The following SYNPO2 variants were observed in gnomAD, a reference collection of about 807,000 sequenced individuals.
SYNPO2 encodes synaptopodin-2.
Under a neutral mutation model 85.0 loss-of-function variants are expected in SYNPO2, and 56 were observed. The observed-to-expected ratio is 0.66, with a 90% CI of 0.53 to 0.82. The LOEUF (loss-of-function observed/expected upper bound fraction) is 0.82. SYNPO2 is among the 40% of genes least tolerant of loss of function. The pLI is 0.00. For synonymous variants in SYNPO2, 602 were observed against 591.1 expected, an observed-to-expected ratio of 1.02 and a Z score of -0.27; for missense variants, 1,575 against 1,534.2, an observed-to-expected ratio of 1.03 and a Z score of -0.44.
chr4:119,051,499 A>G (rs1460744979), intron 4 of SYNPO2, among the ~76,000 whole-genome samples: 1 of 152,076 alleles, frequency 6.6e-6, no homozygotes, highest in Non-Finnish European at 1.5e-5. Flanking sequence ...CCGGGAAGCA[A>G]TGTTTGATTC....
In SYNPO2 at chr4:119,060,251, T is replaced by A. The variant is rs1739369007; in HGVS notation, c.*2317T>A. 2 of 152,176 alleles carry A rather than the reference T, an allele frequency of 1.3e-5. No individual in the cohort carries two copies. Among genetic ancestry groups the A allele is most frequent in the South Asian group, 4.1e-4 (2 of 4,832 alleles). The allele number at this position is 152,176 out of a possible 1,614,324, so 9.4% of individuals were successfully genotyped here. A position where few individuals can be genotyped will look rare whatever the true frequency, so the allele number is the denominator to read the frequency against. On this transcript the variant is annotated 3_prime_UTR_variant, in exon 5 of 5. Coordinates refer to ENST00000307142, the MANE Select transcript of SYNPO2 (RefSeq NM_133477.3). ...TCTCATTGCATGCACTAGATCAATATTATCATCTGTATTAAGCTATCTGAA... is the reference window on the plus strand; with the variant it reads ...TCTCATTGCATGCACTAGATCAATAATATCATCTGTATTAAGCTATCTGAA...
chr4:119,026,369 G>T (rs1021568026), intron 2 of SYNPO2, among the ~76,000 whole-genome samples: 2 of 152,152 alleles, frequency 1.3e-5, no homozygotes, highest in Admixed American at 6.5e-5. Context: ...AAAAATAAAA[G>T]CTGAATTTAG....
At chr4:119,056,251 T>G (rs1288209119) in intron 4 of SYNPO2, among the ~76,000 whole-genome samples, 1 of 152,186 alleles carries the variant, frequency 6.6e-6, no homozygotes, top group African/African-American at 2.4e-5. Context: ...ACAAGAGGTT[T>G]CATTAAATTA....
intron 1 of SYNPO2, among the ~76,000 whole-genome samples, chr4:118,924,834 A>G (rs1733660578): frequency 6.6e-6 from 1 of 152,076 alleles, no homozygotes; most frequent in African/African-American, 2.4e-5. Context: ...CAATGAAGCA[A>G]CTCCTCTTTA....
At chr4:118,971,826 C>T (rs1342595902) in intron 1 of SYNPO2, among the ~76,000 whole-genome samples, 1 of 150,702 alleles carries the variant, frequency 6.6e-6, no homozygotes, top group Non-Finnish European at 1.5e-5. Context: ...CTTCCCATGC[C>T]GAGAAGTGAC....
chr4:118,918,302 A>G (rs1733421940), intron 1 of SYNPO2, among the ~76,000 whole-genome samples: 1 of 152,192 alleles, frequency 6.6e-6, no homozygotes, highest in Admixed American at 6.5e-5. Context: ...ATATTTATAT[A>G]ATTTGTTTAT....
intron 3 of SYNPO2, among the ~76,000 whole-genome samples, chr4:119,028,220 TTG>T (rs1302667716): frequency 9.1e-6 from 1 of 110,392 alleles, no homozygotes; most frequent in East Asian, 3.2e-4. Flanking sequence ...TTATTTTTGT[TTG>T]TTTTTTTTTT....
intron 1 of SYNPO2, among the ~76,000 whole-genome samples, chr4:118,957,971 C>T (rs1205931568): frequency 6.6e-6 from 1 of 152,132 alleles, no homozygotes; most frequent in South Asian, 2.1e-4. Context: ...CCAAAATCCC[C>T]CTCCACTTAT....
chr4:119,024,557 A>G (rs1465881760), intron 2 of SYNPO2, among the ~76,000 whole-genome samples: 1 of 152,212 alleles, frequency 6.6e-6, no homozygotes, highest in Admixed American at 6.5e-5. Flanking sequence ...ATCTAGCATT[A>G]TTCTTATAAT....
intron 1 of SYNPO2, among the ~76,000 whole-genome samples, chr4:118,983,971 T>C (rs1736126491): frequency 6.6e-6 from 1 of 152,230 alleles, no homozygotes; most frequent in South Asian, 2.1e-4. Flanking sequence ...TTCCCCTTTG[T>C]CATTTGTAAG....
At chr4:118,890,655 C>T (rs1732332356) in intron 1 of SYNPO2, among the ~76,000 whole-genome samples, 1 of 143,632 alleles carries the variant, frequency 7.0e-6, no homozygotes, top group Non-Finnish European at 1.5e-5. Context: ...TAACTTGCAG[C>T]CTGGCCTTAG....
intron 1 of SYNPO2, among the ~76,000 whole-genome samples, chr4:118,961,107 C>CA (rs889193032): frequency 8.4e-6 from 1 of 119,470 alleles, no homozygotes; most frequent in Non-Finnish European, 1.7e-5. Flanking sequence ...CCGCCCCCCC[C>CA]CCACCCCTCC....
rs769450177 is a variant in SYNPO2 at position 118,889,143 on chromosome 4, T to A, written c.105+2T>A. 1 of 1,613,874 alleles carries A rather than the reference T, an allele frequency of 6.2e-7. No individual in the cohort carries two copies. The highest frequency in any genetic ancestry group is 8.5e-7 in the Non-Finnish European group (1 of 1,179,908). ...AAGCAGCCCTTACAAGTTGCAAAGG[T>A]AGGACCTGAACGAAGTGTCACGGCT... is the stretch of plus-strand genomic sequence containing the variant. On this transcript the variant is annotated splice_donor_variant, in intron 1 of 4. Coordinates refer to ENST00000307142, the MANE Select transcript of SYNPO2 (RefSeq NM_133477.3). LOFTEE classifies it high-confidence loss of function.
intron 1 of SYNPO2, among the ~76,000 whole-genome samples, chr4:118,907,225 T>C (rs1317126977): frequency 6.6e-6 from 1 of 152,216 alleles, no homozygotes; most frequent in African/African-American, 2.4e-5. Context: ...AAAAACGTCA[T>C]TAACAGTGCA....
chr4:119,003,933 G>A (rs1051680639), intron 1 of SYNPO2, among the ~76,000 whole-genome samples: 5 of 152,112 alleles, frequency 3.3e-5, no homozygotes, highest in African/African-American at 7.2e-5. Flanking sequence ...GTAGTTAATC[G>A]TTCATTTCAC....
At chr4:118,879,615 A>G (rs1028423171) in intron 1 of SYNPO2, among the ~76,000 whole-genome samples, 1 of 152,166 alleles carries the variant, frequency 6.6e-6, no homozygotes, top group Non-Finnish European at 1.5e-5. Context: ...ACCTGTGGGA[A>G]ACACATTTTT....
At chr4:118,860,860 AT>A (rs955582194) in intron 1 of SYNPO2, among the ~76,000 whole-genome samples, 1 of 151,928 alleles carries the variant, frequency 6.6e-6, no homozygotes, top group Non-Finnish European at 1.5e-5. Flanking sequence ...CAGCCTGACT[AT>A]TTTTAAAATC....
At chr4:119,004,830 T>C (rs879818512) in intron 1 of SYNPO2, among the ~76,000 whole-genome samples, 3 of 152,208 alleles carry the variant, frequency 2.0e-5, no homozygotes, top group East Asian at 1.9e-4. Flanking sequence ...TGAACTAGTT[T>C]ACAGTCCCAC....
At chr4:119,012,375 C>CTTTTTTTTTTTTTTT (rs10651853) in intron 1 of SYNPO2, among the ~76,000 whole-genome samples, 41 of 109,752 alleles carry the variant, frequency 3.7e-4, no homozygotes, top group East Asian at 5.3e-4. Context: ...TCCCCCTTTT[C>CTTTTTTTTTTTTTTT]TTTTTTTTTT....
Sources: allele counts gnomAD v4.1 joint callset (sites outside exome capture counted in the v4.1 genomes callset), GRCh38; gene constraint gnomAD v4.1.1; transcripts MANE v1.5; gene names NCBI Gene and HGNC (gene_info 2026-07-23, HGNC 2026-07-21).